SMC1B: variants seen among roughly 807,000 people sequenced by gnomAD.
SMC1B encodes the protein structural maintenance of chromosomes protein 1B.
SMC1B carries 60 observed loss-of-function variants against 157.9 expected under a neutral mutation model. The observed-to-expected ratio is 0.38, with a 90% CI of 0.31 to 0.47. The LOEUF is 0.47. Ranked by LOEUF, SMC1B falls within the 20% of genes least tolerant of loss-of-function variation. The pLI, the probability that SMC1B is intolerant of heterozygous loss-of-function variation, is 0.99. For synonymous variants in SMC1B, 445 were observed against 483.0 expected, an observed-to-expected ratio of 0.92 and a Z score of 1.03; for missense variants, 1,165 against 1,426.2, an observed-to-expected ratio of 0.82 and a Z score of 2.95.
At chr22:45,367,289 T>G (rs1031109429) in intron 15 of SMC1B, among the ~76,000 whole-genome samples, 2 of 152,222 alleles carry the variant, frequency 1.3e-5, no homozygotes, top group Admixed American at 6.5e-5. Context: ...GGGTACCTTT[T>G]CTTTTTTCCC....
At chr22:45,393,612 A>T (rs1338270352) in intron 9 of SMC1B, 22 bp downstream of exon 9, 4 of 1,560,384 alleles carry the variant, frequency 2.6e-6, no homozygotes, top group Admixed American at 2.0e-5. Context: ...TTTTGTTTAA[A>T]TTAACTATTC....
chr22:45,402,316 T>C lies in SMC1B; in HGVS notation c.854+17A>G. On this transcript the variant is annotated intron_variant, in intron 5 of 24. Coordinates refer to ENST00000357450, the MANE Select transcript of SMC1B (RefSeq NM_148674.5). The stretch of plus-strand genomic sequence containing the variant: ...TACATATAACCCAACTGTTAATATC[T>C]ACTTTTAAAAACTCACTTTAATTCT... 6.5e-7 allele frequency: 1 copy of C among 1,548,636 alleles called. No homozygotes were observed. Among genetic ancestry groups the C allele is most frequent in the African/African-American group, 1.4e-5 (1 of 73,388 alleles).
At chr22:45,354,370 G>T (rs6006996) in intron 20 of SMC1B, among the ~76,000 whole-genome samples, 73,367 of 151,854 alleles carry the variant, frequency 0.48, 20,458 homozygotes, top group African/African-American at 0.77. Flanking sequence ...GGGTATGTAT[G>T]TATGTATGTA....
Position 45,386,944 on chromosome 22 carries a change from C to G in SMC1B, c.1834G>C (p.Val612Leu). ...TCACAAACAAGACCATTTCCACACA[C>G]AAACTGAATCACTTTCTTCAGCTGA... is the stretch of plus-strand genomic sequence containing the variant. ...FPQLKKVIQF[V>L]CGNGLVCETM... The change falls in exon 11 of 25, where the codon GTG (valine) becomes CTG (leucine). Residue 612 changes from valine to leucine, a missense_variant. Val to Leu is a conservative substitution (Grantham distance 32). Coordinates refer to ENST00000357450, the MANE Select transcript of SMC1B (RefSeq NM_148674.5). 1.9e-6 allele frequency: 3 copies of G among 1,614,112 alleles called. No individual in the cohort carries two copies. Among genetic ancestry groups the G allele is most frequent in the Non-Finnish European group, 2.5e-6 (3 of 1,180,010 alleles).
Position 45,344,571 on chromosome 22 carries a change from G to T in SMC1B, c.3693C>A (p.His1231Gln). 1 of 1,613,530 alleles carries T rather than the reference G, an allele frequency of 6.2e-7. No individual in the cohort carries two copies. Among genetic ancestry groups the T allele is most frequent in the Non-Finnish European group, 8.5e-7 (1 of 1,179,464 alleles). ...DTEGQESSKR[H>Q]GESR ...AGGACTGCCCCTAGCGGGACTCTCC[G>T]TGTCTCTTGCTGCTTTCTTGGCCTT... Residue 1231 changes from histidine (H) to glutamine (Q), a missense_variant, in exon 25 of 25, where the codon CAC becomes CAA. By Grantham distance (24) the His-to-Gln change is conservative. Transcript: ENST00000357450.
chr22:45,402,189 A>G (rs2087203496), intron 5 of SMC1B, 144 bp downstream of exon 5: 3 of 665,564 alleles, frequency 4.5e-6, no homozygotes, highest in Non-Finnish European at 7.6e-6. Flanking sequence ...GGCCTATACT[A>G]TCTTTATAAT....
At chr22:45,399,973 G>A (rs1233149403) in intron 5 of SMC1B, among the ~76,000 whole-genome samples, 1 of 152,230 alleles carries the variant, frequency 6.6e-6, no homozygotes, top group African/African-American at 2.4e-5. Context: ...GGAGGTTACA[G>A]ATAAGCAAGA....
chr22:45,401,841 C>T (rs2087197942), intron 5 of SMC1B, among the ~76,000 whole-genome samples: 1 of 102,354 alleles, frequency 9.8e-6, no homozygotes, highest in Non-Finnish European at 1.8e-5. Flanking sequence ...GGCAATGAAC[C>T]TCGGGTATTA....
chr22:45,392,738 T>C (rs1424036703), intron 9 of SMC1B, among the ~76,000 whole-genome samples: 1 of 152,084 alleles, frequency 6.6e-6, no homozygotes, highest in Non-Finnish European at 1.5e-5. Context: ...TCTCACTCTG[T>C]GGCCTAGGCT....
intron 11 of SMC1B, among the ~76,000 whole-genome samples, chr22:45,385,621 T>C (rs998746022): frequency 2.0e-5 from 3 of 152,126 alleles, no homozygotes; most frequent in African/African-American, 7.2e-5. Flanking sequence ...ATATTTGTTA[T>C]ATGAAGGAAT....
At chr22:45,367,366 C>G (rs1425506697) in intron 15 of SMC1B, among the ~76,000 whole-genome samples, 1 of 152,162 alleles carries the variant, frequency 6.6e-6, no homozygotes, top group African/African-American at 2.4e-5. Flanking sequence ...TGCTTCAGCT[C>G]CAGCAAACTT....
At position 45,393,861 on chromosome 22, in the gene SMC1B, T is replaced by C. The variant is rs751980527; in HGVS notation, c.1338-20A>G. The C allele has an allele frequency of 7.6e-6, 12 of 1,574,804 alleles. No homozygotes were observed. The African/African-American group carries it at 1.2e-4, about 16-fold the overall frequency. ...CAATCCCTACAAAATAACAACAAAT[T>C]ATACAGCAAAATGATAAACCAAAAT... On this transcript the variant is annotated intron_variant, in intron 8 of 24. Transcript: ENST00000357450.
intron 9 of SMC1B, among the ~76,000 whole-genome samples, chr22:45,390,446 G>A (rs2087043953): frequency 1.3e-5 from 2 of 152,138 alleles, no homozygotes; most frequent in East Asian, 1.9e-4. Context: ...GGTGGCTCAC[G>A]CCTGTAATCC....
At position 45,355,092 on chromosome 22, in the gene SMC1B, G is replaced by A. The variant is rs760550376; in HGVS notation, c.2985C>T (p.Ile995=). Residue 995 remains isoleucine, a synonymous_variant, in exon 20 of 25, where the codon ATC becomes ATT. Transcript: ENST00000357450. The part of the protein sequence containing the change: ...DLKALQSDQE[I]EAHLRLLLQQ... ...GCAATAAGAGCCTAAGGTGGGCCTC[G>A]ATTTCTTGATCAGACTGTAGAGCCT... The A allele has an allele frequency of 8.7e-6, 14 of 1,614,112 alleles. No homozygotes were observed. The highest frequency in any genetic ancestry group is 4.4e-5 in the South Asian group (4 of 91,076).
In SMC1B at chr22:45,402,364, T is replaced by C. The variant is rs2087206055; in HGVS notation, c.823A>G (p.Arg275Gly). 2 of 1,613,110 alleles carry C rather than the reference T, an allele frequency of 1.2e-6. No individual in the cohort carries two copies. The highest frequency in any genetic ancestry group is 2.2e-5 in the East Asian group (1 of 44,822). The stretch of plus-strand genomic sequence containing the variant: ...TCTTTTTCTGTTTGTTGTAGTTGTC[T>C]AGTTAGCATTCCATGTTCCTTTTTC... The part of the protein sequence containing the change: ...ARKKEHGMLT[R>G]QLQQTEKELK... Residue 275 changes from arginine (R) to glycine (G), a missense_variant, in exon 5 of 25, where the codon AGA becomes GGA. Physicochemically the swap from Arg to Gly is moderately radical, Grantham distance 125. Transcript: ENST00000357450.
intron 19 of SMC1B, 38 bp from the exon 20 acceptor site, chr22:45,355,153 T>C (rs758051611): frequency 1.2e-6 from 2 of 1,611,262 alleles, no homozygotes; most frequent in Non-Finnish European, 1.7e-6. Context: ...TGGCATGGCA[T>C]GTCTTTTACA....
intron 8 of SMC1B, among the ~76,000 whole-genome samples, chr22:45,394,388 C>T (rs2087098288): frequency 6.6e-6 from 1 of 152,066 alleles, no homozygotes; most frequent in South Asian, 2.1e-4. Flanking sequence ...CACCTGTAAT[C>T]CCAGCACTTT....
At chr22:45,382,857 G>A (rs1273952766) in intron 12 of SMC1B, among the ~76,000 whole-genome samples, 1 of 152,136 alleles carries the variant, frequency 6.6e-6, no homozygotes, top group Non-Finnish European at 1.5e-5. Flanking sequence ...TATCAGGCCG[G>A]GCACAGTGGC....
At chr22:45,355,424 T>C (rs1042844105) in intron 19 of SMC1B, among the ~76,000 whole-genome samples, 2 of 152,208 alleles carry the variant, frequency 1.3e-5, no homozygotes, top group Non-Finnish European at 1.5e-5. Flanking sequence ...GAGGATTCAA[T>C]GATGGAAGCT....
Sources: allele counts gnomAD v4.1 joint callset (sites outside exome capture counted in the v4.1 genomes callset), GRCh38; gene constraint gnomAD v4.1.1; transcripts MANE v1.5; gene names NCBI Gene and HGNC (gene_info 2026-07-23, HGNC 2026-07-21).